The following DAB1 variants were observed in gnomAD, a reference collection of about 807,000 sequenced individuals.
DAB1 encodes DAB adaptor protein 1, also known as disabled homolog 1.
A neutral mutation model predicts 64.6 loss-of-function variants in DAB1; 15 were observed. That is an observed-to-expected ratio of 0.23 (90% CI 0.16 to 0.36). The LOEUF (loss-of-function observed/expected upper bound fraction) is 0.36. Ranked by LOEUF, DAB1 falls within the 10% of genes least tolerant of loss-of-function variation. DAB1 has a pLI of 1.00. For synonymous variants in DAB1, 235 were observed against 251.9 expected (o/e 0.93, Z 0.64); for missense variants, 596 against 706.7 (o/e 0.84, Z 1.78).
chr1:57,721,741 G>A (rs1647153653), intron 6 of DAB1, among the ~76,000 whole-genome samples: 1 of 152,194 alleles, frequency 6.6e-6, no homozygotes, highest in African/African-American at 2.4e-5. Flanking sequence ...AAGTGAGTGA[G>A]TATACTAGAG....
chr1:58,497,199 C>T (rs939658298), intron 3 of DAB1, among the ~76,000 whole-genome samples: 1 of 152,070 alleles, frequency 6.6e-6, no homozygotes, highest in Admixed American at 6.6e-5. Flanking sequence ...TATGTACTCA[C>T]CAATTCAATG....
intron 2 of DAB1, among the ~76,000 whole-genome samples, chr1:57,202,592 C>T (rs1209306680): frequency 6.6e-6 from 1 of 152,190 alleles, no homozygotes; most frequent in Non-Finnish European, 1.5e-5. Flanking sequence ...CACTGAAATA[C>T]TAATTCTGAA....
chr1:58,539,367 G>C (rs1388163953), intron 1 of DAB1: 1 of 714,808 alleles, frequency 1.4e-6, no homozygotes, highest in African/African-American at 1.8e-5. Flanking sequence ...ACCAAACTGG[G>C]ACTATAACAC....
chr1:57,510,162 AT>A (rs1558447267), intron 7 of DAB1, among the ~76,000 whole-genome samples: 1 of 152,122 alleles, frequency 6.6e-6, no homozygotes, highest in Non-Finnish European at 1.5e-5. Context: ...CCACATTCAC[AT>A]TTTTAACCCA....
intron 3 of DAB1, among the ~76,000 whole-genome samples, chr1:58,485,226 A>AC (rs1254157783): frequency 8.9e-6 from 1 of 112,380 alleles, no homozygotes; most frequent in Non-Finnish European, 1.8e-5. Flanking sequence ...AGAGTCTACT[A>AC]CTAAAAAAAA....
chr1:57,588,993 C>A (rs1315829086), intron 7 of DAB1, among the ~76,000 whole-genome samples: 1 of 151,964 alleles, frequency 6.6e-6, no homozygotes, highest in Non-Finnish European at 1.5e-5. Flanking sequence ...CCCAGCACTT[C>A]GGGAGGCCGA....
chr1:57,643,420 T>G (rs1280712149), intron 7 of DAB1, among the ~76,000 whole-genome samples: 1 of 152,202 alleles, frequency 6.6e-6, no homozygotes, highest in Non-Finnish European at 1.5e-5. Flanking sequence ...TTATTTGTAG[T>G]CAGATTTATA....
rs539020573 is a variant in DAB1, at chr1:57,321,248, C to T, written c.-136-30082G>A. 4.1e-4 allele frequency among the ~76,000 whole-genome samples: 63 copies of T among 152,192 alleles called. 1 individual carries two copies. The highest frequency in any genetic ancestry group is 7.9e-4 in the Non-Finnish European group (54 of 68,030). On this transcript the variant is annotated intron_variant, in intron 1 of 14. Coordinates refer to ENST00000371236, the MANE Select transcript of DAB1 (RefSeq NM_001365792.1). ...AATGTATAGAAGTATTCACATGTTA[C>T]TGAGGTTAGAAACCCATCTTCCAAT...
chr1:57,512,799 A>C (rs1644420039), intron 7 of DAB1, among the ~76,000 whole-genome samples: 3 of 152,186 alleles, frequency 2.0e-5, no homozygotes, highest in Non-Finnish European at 4.4e-5. Flanking sequence ...GAGGTGAATG[A>C]GATTCCCGGT....
intron 5 of DAB1, among the ~76,000 whole-genome samples, chr1:58,111,976 C>T (rs952856793): frequency 1.3e-5 from 2 of 150,360 alleles, no homozygotes; most frequent in Non-Finnish European, 3.0e-5. Context: ...CAAGGCCTTA[C>T]ACAAACCTCG....
chr1:57,191,601 A>C (rs1319217997), intron 2 of DAB1, among the ~76,000 whole-genome samples: 1 of 152,136 alleles, frequency 6.6e-6, no homozygotes, highest in Non-Finnish European at 1.5e-5. Context: ...ACAGTGTTCT[A>C]CAACTCATCC....
Position 57,255,052 on chromosome 1 carries a change from A to G in DAB1, c.67+35912T>C, listed in dbSNP as rs563101130. Among the ~76,000 whole-genome samples the G allele has an allele frequency of 1.3e-3, 194 of 152,344 alleles. 1 individual carries two copies. Among genetic ancestry groups the G allele is most frequent in the Admixed American group, 2.5e-3 (39 of 15,300 alleles). ...TCCCCAACATTCAAAACAGTGCCTG[A>G]CAAATAGTAGGTGCTCAATAAACAT... On this transcript the variant is annotated intron_variant, in intron 2 of 14. Coordinates refer to ENST00000371236, the MANE Select transcript of DAB1 (RefSeq NM_001365792.1).
At chr1:57,610,717 C>T (rs1645715563) in intron 7 of DAB1, among the ~76,000 whole-genome samples, 1 of 152,140 alleles carries the variant, frequency 6.6e-6, no homozygotes, top group Non-Finnish European at 1.5e-5. Flanking sequence ...ATGCCAGACG[C>T]TTATAAAACC....
intron 4 of DAB1, among the ~76,000 whole-genome samples, chr1:57,088,378 C>T (rs1164940840): frequency 2.0e-5 from 3 of 152,180 alleles, no homozygotes; most frequent in African/African-American, 7.2e-5. Context: ...GCCCCACTAA[C>T]ACTGAGTTTC....
intron 4 of DAB1, among the ~76,000 whole-genome samples, chr1:58,200,359 C>T (rs1450961449): frequency 6.6e-6 from 1 of 152,180 alleles, no homozygotes; most frequent in Non-Finnish European, 1.5e-5. Context: ...ATTCCTTTGT[C>T]CACCCACTCA....
At chr1:58,125,694 T>C (rs752773025) in intron 5 of DAB1, among the ~76,000 whole-genome samples, 1 of 152,102 alleles carries the variant, frequency 6.6e-6, no homozygotes, top group African/African-American at 2.4e-5. Context: ...AATCCACCTG[T>C]CTCAGCCTTC....
intron 6 of DAB1, among the ~76,000 whole-genome samples, chr1:57,787,526 C>T (rs1007965555): frequency 1.3e-5 from 2 of 151,884 alleles, no homozygotes; most frequent in Non-Finnish European, 2.9e-5. Context: ...AAAGAGATCA[C>T]AGACATAAAC....
chr1:58,450,632 T>C (rs1452236724), intron 3 of DAB1, among the ~76,000 whole-genome samples: 2 of 152,096 alleles, frequency 1.3e-5, no homozygotes, highest in African/African-American at 2.4e-5. Flanking sequence ...CAGGCACCTG[T>C]AGTCCCAGCT....
chr1:57,211,593 T>C (rs1557947167), intron 2 of DAB1, among the ~76,000 whole-genome samples: 2 of 152,136 alleles, frequency 1.3e-5, no homozygotes, highest in African/African-American at 2.4e-5. Flanking sequence ...ATGGATATAC[T>C]TACTTCAGTG....
Sources: allele counts gnomAD v4.1 joint callset (sites outside exome capture counted in the v4.1 genomes callset), GRCh38; gene constraint gnomAD v4.1.1; transcripts MANE v1.5; gene names NCBI Gene and HGNC (gene_info 2026-07-23, HGNC 2026-07-21).